The following GRID2 variants were observed in gnomAD, a reference collection of about 807,000 sequenced individuals.
GRID2 encodes the protein glutamate receptor ionotropic, delta-2.
Under a neutral mutation model 114.8 loss-of-function variants are expected in GRID2, and 33 were observed. That is an observed-to-expected ratio of 0.29 (90% CI 0.22 to 0.38). GRID2 has a LOEUF of 0.38. Among genes scored for constraint, GRID2 ranks in the 10% least tolerant of loss-of-function variants. The probability of loss-of-function intolerance (pLI) is 1.00; values close to 1 mark genes in which losing one functional copy is unlikely to be tolerated. For synonymous variants in GRID2, 505 were observed against 449.9 expected, an observed-to-expected ratio of 1.12 and a Z score of -1.55; for missense variants, 1,184 against 1,257.7, an observed-to-expected ratio of 0.94 and a Z score of 0.89.
chr4:93,608,296 C>CTTTTTTTTTTTTTTATTTTTTTTTTTTTT (rs774334616), intron 13 of GRID2, among the ~76,000 whole-genome samples: 4 of 116,994 alleles, frequency 3.4e-5, no homozygotes, highest in East Asian at 4.8e-4. Flanking sequence ...ATTTTTTTTT[C>CTTTTTTTTTTTTTTATTTTTTTTTTTTTT]TTTTTTTTTT....
chr4:93,533,763 C>T (rs35222516), intron 13 of GRID2, among the ~76,000 whole-genome samples: 31,819 of 151,732 alleles, frequency 0.21, 3,981 homozygotes, highest in African/African-American at 0.34. Flanking sequence ...CAAGCCATCA[C>T]TGTCTCTTTC....
chr4:93,315,256 A>T (rs1756463074), intron 8 of GRID2, among the ~76,000 whole-genome samples: 1 of 152,188 alleles, frequency 6.6e-6, no homozygotes, highest in African/African-American at 2.4e-5. Flanking sequence ...TGTGGATTAC[A>T]GGTCCCTCGC....
At chr4:93,022,817 A>G (rs1179938807) in intron 2 of GRID2, among the ~76,000 whole-genome samples, 5 of 151,844 alleles carry the variant, frequency 3.3e-5, no homozygotes, top group Admixed American at 2.0e-4. Flanking sequence ...TAAAAACTTG[A>G]TATAATAGTA....
rs560559521 is a variant in GRID2, at chr4:92,840,398, T to A, written c.245-244597T>A. On this transcript the variant is annotated intron_variant, in intron 2 of 15. Coordinates refer to ENST00000282020, the MANE Select transcript of GRID2 (RefSeq NM_001510.4). ...TTTCTGTTTGTCTTGTAGTCTTCTC[T>A]TCCTTCTTTCTTTTCTCCCCTTCTT... 1.1e-4 allele frequency among the ~76,000 whole-genome samples: 17 copies of A among 152,110 alleles called. No homozygotes were observed. In the South Asian group the frequency reaches 3.5e-3, roughly 32 times the overall value.
At chr4:93,684,557 C>T (rs796095957) in intron 14 of GRID2, among the ~76,000 whole-genome samples, 1 of 152,166 alleles carries the variant, frequency 6.6e-6, no homozygotes, top group African/African-American at 2.4e-5. Context: ...CAGGTGTTCT[C>T]AAGGCCAGTT....
chr4:93,708,261 T>A (rs1728179437), intron 14 of GRID2, among the ~76,000 whole-genome samples: 1 of 152,022 alleles, frequency 6.6e-6, no homozygotes, highest in Non-Finnish European at 1.5e-5. Context: ...TGATTTTCTA[T>A]CTGAATAATC....
intron 4 of GRID2, among the ~76,000 whole-genome samples, chr4:93,203,252 T>C (rs1205393951): frequency 6.6e-6 from 1 of 152,154 alleles, no homozygotes; most frequent in Non-Finnish European, 1.5e-5. Context: ...ATTATAACCC[T>C]TGTTTAGTGA....
At chr4:92,461,936 T>A (rs1293293112) in intron 1 of GRID2, among the ~76,000 whole-genome samples, 1 of 152,022 alleles carries the variant, frequency 6.6e-6, no homozygotes, top group Non-Finnish European at 1.5e-5. Context: ...CAATTATTCC[T>A]GAGATGTTGT....
chr4:93,741,159 C>CTATATATATATATACATATATATATA (rs1459909774), intron 14 of GRID2, among the ~76,000 whole-genome samples: 1 of 47,186 alleles, frequency 2.1e-5, no homozygotes, highest in Non-Finnish European at 3.4e-5. Flanking sequence ...ACCTGAGAAA[C>CTATATATATATATACATATATATATA]TATATATATA....
chr4:93,424,900 G>A (rs748369617), intron 10 of GRID2, among the ~76,000 whole-genome samples: 29 of 151,962 alleles, frequency 1.9e-4, no homozygotes, highest in Non-Finnish European at 3.8e-4. Flanking sequence ...AATTTGTCTT[G>A]ATCTGCCTTC....
intron 1 of GRID2, among the ~76,000 whole-genome samples, chr4:92,498,430 A>T (rs1462165438): frequency 6.6e-6 from 1 of 151,988 alleles, no homozygotes; most frequent in Non-Finnish European, 1.5e-5. Flanking sequence ...CTGTCAATTA[A>T]AGGCATTTAT....
intron 13 of GRID2, among the ~76,000 whole-genome samples, chr4:93,546,794 A>T (rs1733258950): frequency 6.6e-6 from 1 of 152,132 alleles, no homozygotes; most frequent in Non-Finnish European, 1.5e-5. Flanking sequence ...AAATGGCTCT[A>T]TTCTAATTTT....
chr4:93,612,299 T>C lies in GRID2; in HGVS notation c.2194-13970T>C, dbSNP rs578112007. Among the ~76,000 whole-genome samples, 420 of 151,282 alleles carry C rather than the reference T, an allele frequency of 2.8e-3. 2 individuals are homozygous for C. Among genetic ancestry groups the C allele is most frequent in the Admixed American group, 8.2e-3 (125 of 15,180 alleles). On this transcript the variant is annotated intron_variant, in intron 13 of 15. Coordinates refer to ENST00000282020, the MANE Select transcript of GRID2 (RefSeq NM_001510.4). The stretch of plus-strand genomic sequence containing the variant: ...GTCTGTGTCTTTTAATTGGAGAATT[T>C]AGTCCATTTACATTTAAAGTTAATA...
intron 1 of GRID2, among the ~76,000 whole-genome samples, chr4:92,337,962 G>A (rs959141817): frequency 7.2e-5 from 11 of 152,132 alleles, no homozygotes; most frequent in African/African-American, 2.7e-4. Context: ...GTGCATATGT[G>A]TGTGTCTGTG....
intron 13 of GRID2, among the ~76,000 whole-genome samples, chr4:93,527,999 T>A (rs1407377906): frequency 6.6e-6 from 1 of 152,148 alleles, no homozygotes; most frequent in Non-Finnish European, 1.5e-5. Context: ...CTTAGCATAA[T>A]GTCCTCTAGG....
At chr4:92,485,352 T>TG (rs1433050469) in intron 1 of GRID2, among the ~76,000 whole-genome samples, 2 of 129,762 alleles carry the variant, frequency 1.5e-5, no homozygotes, top group Non-Finnish European at 3.4e-5. Context: ...ATATATAGTG[T>TG]GTGTGTGTGT....
At chr4:93,719,629 G>A (rs1350536056) in intron 14 of GRID2, among the ~76,000 whole-genome samples, 2 of 152,134 alleles carry the variant, frequency 1.3e-5, no homozygotes, top group Non-Finnish European at 2.9e-5. Context: ...TTTCTATGAT[G>A]AAATCTATAG....
At chr4:93,612,182 T>G (rs1741005351) in intron 13 of GRID2, among the ~76,000 whole-genome samples, 1 of 151,162 alleles carries the variant, frequency 6.6e-6, no homozygotes, top group Non-Finnish European at 1.5e-5. Flanking sequence ...TCCTCCATCC[T>G]TTTATTTTGA....
chr4:92,432,278 T>C (rs1420682979), intron 1 of GRID2, among the ~76,000 whole-genome samples: 1 of 151,828 alleles, frequency 6.6e-6, no homozygotes, highest in Non-Finnish European at 1.5e-5. Flanking sequence ...GGCCCAAGGG[T>C]TCTTTAGTTA....
Sources: allele counts gnomAD v4.1 joint callset (sites outside exome capture counted in the v4.1 genomes callset), GRCh38; gene constraint gnomAD v4.1.1; transcripts MANE v1.5; gene names NCBI Gene and HGNC (gene_info 2026-07-23, HGNC 2026-07-21).